Variants in NLRP9 observed in about 807,000 individuals in gnomAD.
NLRP9 encodes NACHT, LRR and PYD domains-containing protein 9.
A neutral mutation model predicts 83.1 loss-of-function variants in NLRP9; 88 were observed. The observed-to-expected ratio is 1.06, with a 90% CI of 0.89 to 1.26. NLRP9 has a LOEUF of 1.26. Among genes scored for constraint, NLRP9 ranks in the 50% most tolerant of loss-of-function variants. The pLI, the probability that NLRP9 is intolerant of heterozygous loss-of-function variation, is 0.00. For missense variants in NLRP9, 1,308 were observed against 1,179.3 expected, an observed-to-expected ratio of 1.11 and a Z score of -1.60; for synonymous variants, 521 against 447.6, an observed-to-expected ratio of 1.16 and a Z score of -2.07.
chr19:55,733,974 G>C (rs539754251), intron 1 of NLRP9, among the ~76,000 whole-genome samples: 30 of 142,080 alleles, frequency 2.1e-4, no homozygotes, highest in African/African-American at 7.3e-4. Context: ...CCAGGCTGGA[G>C]TGCAGTGGCG....
rs1378379642 is a variant in NLRP9 at position 55,708,942 on chromosome 19, C to G, written c.2946G>C (p.Glu982Asp). ...GGAGCACACCCCTGATCTTGTATTC[C>G]TCGTCAATCCAAGGTCCATGTGAAA... ...LTISHGPWID[E>D]EYKIRGVLL Residue 982 changes from glutamate to aspartate, a missense_variant, in exon 9 of 9, where the codon GAG becomes GAC. Physicochemically the swap from Glu to Asp is conservative, Grantham distance 45. Coordinates refer to ENST00000332836, the MANE Select transcript of NLRP9 (RefSeq NM_176820.4). 3.2e-6 allele frequency: 5 copies of G among 1,569,918 alleles called. No individual in the cohort carries two copies. The South Asian group carries it at 6.0e-5, about 19-fold the overall frequency.
intron 8 of NLRP9, 71 bp from the exon 9 acceptor site, chr19:55,709,115 A>C: frequency 9.3e-7 from 1 of 1,074,536 alleles, no homozygotes; most frequent in South Asian, 1.7e-5. Context: ...CTACATTCTG[A>C]TGTCTACCTC....
At chr19:55,715,907 GTTGT>G (rs1987990602) in intron 5 of NLRP9, among the ~76,000 whole-genome samples, 1 of 152,140 alleles carries the variant, frequency 6.6e-6, no homozygotes, top group African/African-American at 2.4e-5. Context: ...TTTTTGTTTT[GTTGT>G]TTAATACACA....
intron 1 of NLRP9, among the ~76,000 whole-genome samples, chr19:55,735,888 A>G (rs980169118): frequency 5.3e-5 from 8 of 151,510 alleles, no homozygotes; most frequent in African/African-American, 1.9e-4. Context: ...GTGTCTCACC[A>G]TGTTGGCCAG....
chr19:55,724,499 C>T lies in NLRP9; in HGVS notation c.1995-355G>A, dbSNP rs557702774. ...TCTGAGATTAATGTGATTAATGCCT[C>T]ACATAAAATGACGCACACATATCTG... On this transcript the variant is annotated intron_variant, in intron 3 of 8. Coordinates refer to ENST00000332836, the MANE Select transcript of NLRP9 (RefSeq NM_176820.4). Among the ~76,000 whole-genome samples, 19 of 152,236 alleles carry T rather than the reference C, an allele frequency of 1.2e-4. No individual in the cohort carries two copies. In the South Asian group the frequency reaches 3.7e-3, roughly 30 times the overall value.
chr19:55,733,230 G>A lies in NLRP9; in HGVS notation c.601C>T (p.Leu201Phe), dbSNP rs1325158991. Residue 201 changes from leucine to phenylalanine, a missense_variant, in exon 2 of 9, where the codon CTC becomes TTC. Coordinates refer to ENST00000332836, the MANE Select transcript of NLRP9 (RefSeq NM_176820.4). ...NGIAETSLLE[L>F]LSRDWPESSE... Reference sequence around the variant, plus strand: ...GACTCCGGCCAGTCCCTAGAGAGGAGCTCCAGTAAGCTGGTCTCTGCGATA... The same window carrying A: ...GACTCCGGCCAGTCCCTAGAGAGGAACTCCAGTAAGCTGGTCTCTGCGATA... 1 of 1,613,540 alleles carries A rather than the reference G, an allele frequency of 6.2e-7. No homozygotes were observed. The highest frequency in any genetic ancestry group is 1.7e-5 in the Admixed American group (1 of 59,950).
chr19:55,730,164 T>C (rs767340265), intron 2 of NLRP9, among the ~76,000 whole-genome samples, 172 bp from the exon 3 acceptor site: 5 of 152,268 alleles, frequency 3.3e-5, no homozygotes, highest in South Asian at 2.1e-4. Context: ...AGTTAGAAAG[T>C]AGGCCCTGGC....
chr19:55,730,017 T>A, intron 2 of NLRP9, 25 bp from the exon 3 acceptor site: 1 of 1,601,016 alleles, frequency 6.2e-7, no homozygotes, highest in Non-Finnish European at 8.5e-7. Context: ...AGATTGTGAT[T>A]CTCCAGTGGC....
intron 1 of NLRP9, among the ~76,000 whole-genome samples, chr19:55,733,920 T>A (rs866705570): frequency 8.8e-5 from 6 of 68,280 alleles, no homozygotes; most frequent in African/African-American, 3.2e-4. Flanking sequence ...GTCAACCAAA[T>A]TTTTTTTTTT....
intron 4 of NLRP9, among the ~76,000 whole-genome samples, chr19:55,717,565 G>T (rs901883175): frequency 6.6e-6 from 1 of 152,232 alleles, no homozygotes; most frequent in African/African-American, 2.4e-5. Flanking sequence ...CTGCCACAAA[G>T]AAGTATCCAG....
chr19:55,734,622 T>C (rs144214674), intron 1 of NLRP9, among the ~76,000 whole-genome samples: 25,547 of 102,544 alleles, frequency 0.25, 2,658 homozygotes, highest in Middle Eastern at 0.31. Flanking sequence ...CACACACACA[T>C]ATATATATAT....
At chr19:55,733,919 A>AATTTTTTTTTT (rs1555796186) in intron 1 of NLRP9, among the ~76,000 whole-genome samples, 2 of 117,868 alleles carry the variant, frequency 1.7e-5, no homozygotes, top group Non-Finnish European at 3.4e-5. Flanking sequence ...TGTCAACCAA[A>AATTTTTTTTTT]TTTTTTTTTT....
intron 3 of NLRP9, among the ~76,000 whole-genome samples, chr19:55,726,262 A>C (rs750204442): frequency 1.2e-4 from 18 of 152,214 alleles, no homozygotes; most frequent in Admixed American, 1.3e-4. Context: ...ATGAACATGT[A>C]ATCAGGAATC....
intron 3 of NLRP9, among the ~76,000 whole-genome samples, chr19:55,727,757 T>G (rs76412461): frequency 0.046 from 7,017 of 152,254 alleles, 363 homozygotes; most frequent in South Asian, 0.23. Context: ...TTTTTCTAGA[T>G]GCTGAGGATG....
At chr19:55,721,482 A>T (rs1248226530) in intron 4 of NLRP9, among the ~76,000 whole-genome samples, 1 of 152,062 alleles carries the variant, frequency 6.6e-6, no homozygotes, top group Non-Finnish European at 1.5e-5. Flanking sequence ...CAAATACCCC[A>T]TTCTGTTTTA....
intron 4 of NLRP9, among the ~76,000 whole-genome samples, chr19:55,722,659 T>C (rs1343768061): frequency 6.6e-6 from 1 of 152,304 alleles, no homozygotes; most frequent in East Asian, 1.9e-4. Flanking sequence ...GAAAGATGGA[T>C]TGGCCAGTGA....
chr19:55,738,099 C>A lies in NLRP9; in HGVS notation c.276G>T (p.Met92Ile), dbSNP rs200547541. The stretch of plus-strand genomic sequence containing the variant: ...GCCCCATCATCCAGCACTTACTTCT[C>A]ATCTCTTCCTGAGCCTTTGTCCAGA... ...KDLWTKAQEE[M>I]RNKLNPYRKH... Residue 92 changes from methionine to isoleucine, a missense_variant, in exon 1 of 9, where the codon ATG (methionine) becomes ATT (isoleucine). Coordinates refer to ENST00000332836, the MANE Select transcript of NLRP9 (RefSeq NM_176820.4). 54 of 1,614,082 alleles carry A rather than the reference C, an allele frequency of 3.3e-5. No homozygotes were observed. In the East Asian group the frequency reaches 1.1e-3, roughly 33 times the overall value.
chr19:55,725,236 G>C (rs1431431530), intron 3 of NLRP9, among the ~76,000 whole-genome samples: 2 of 152,086 alleles, frequency 1.3e-5, no homozygotes, highest in Non-Finnish European at 2.9e-5. Flanking sequence ...TACAAAACCA[G>C]AATATGTACT....
chr19:55,730,744 C>T (rs1417075109), intron 2 of NLRP9, among the ~76,000 whole-genome samples: 1 of 152,108 alleles, frequency 6.6e-6, no homozygotes, highest in Non-Finnish European at 1.5e-5. Flanking sequence ...ACCACACACA[C>T]TGGGGCCTGT....
Sources: allele counts gnomAD v4.1 joint callset (sites outside exome capture counted in the v4.1 genomes callset), GRCh38; gene constraint gnomAD v4.1.1; transcripts MANE v1.5; gene names NCBI Gene and HGNC (gene_info 2026-07-23, HGNC 2026-07-21).